TVP23C: variants seen among roughly 807,000 people sequenced by gnomAD.
The protein encoded by TVP23C is trans-golgi network vesicle protein 23 homolog C.
In TVP23C, 19 loss-of-function variants were observed where a neutral mutation model predicts 28.7. The observed-to-expected ratio is 0.66, with a 90% confidence interval of 0.46 to 0.97. TVP23C has a LOEUF of 0.97. Ranked by LOEUF, TVP23C falls within the 50% of genes least tolerant of loss-of-function variation. The pLI, the probability that TVP23C is intolerant of heterozygous loss-of-function variation, is 0.00. For synonymous variants in TVP23C, 68 were observed against 81.7 expected, an observed-to-expected ratio of 0.83 and a Z score of 0.90; for missense variants, 186 against 241.3, an observed-to-expected ratio of 0.77 and a Z score of 1.52.
intron 5 of TVP23C, among the ~76,000 whole-genome samples, chr17:15,529,252 G>T (rs1982853416): frequency 6.6e-6 from 1 of 152,018 alleles, no homozygotes; most frequent in South Asian, 2.1e-4. Context: ...AGGAGTTTGA[G>T]ACCAGCCTGG....
intron 5 of TVP23C, among the ~76,000 whole-genome samples, chr17:15,509,111 G>A (rs142032032): frequency 1.3e-5 from 2 of 152,182 alleles, no homozygotes; most frequent in Non-Finnish European, 2.9e-5. Context: ...AAGATTTGGC[G>A]GCCAAAGTCC....
downstream of TVP23C, among the ~76,000 whole-genome samples, chr17:15,534,488 T>C (rs375603007): frequency 2.7e-5 from 4 of 149,908 alleles, no homozygotes; most frequent in South Asian, 6.4e-4. Context: ...CATGAGATAA[T>C]ACATAAAGGA....
intron 5 of TVP23C, among the ~76,000 whole-genome samples, chr17:15,518,379 G>A (rs1982325012): frequency 6.6e-6 from 1 of 152,102 alleles, no homozygotes; most frequent in African/African-American, 2.4e-5. Flanking sequence ...CTTTTCATGT[G>A]CATCATCCAG....
At chr17:15,503,216 A>G in exon 6 of TVP23C, 1 of 1,536,622 alleles carries the variant, frequency 6.5e-7, no homozygotes, top group Non-Finnish European at 8.8e-7. Context: ...AGTCTGGGCA[A>G]TGTGGCGAGA....
Position 15,538,564 on chromosome 17 carries a change from T to C in TVP23C, c.*1848A>G, listed in dbSNP as rs2150847159. ...GAGATCGCGCCACTGCACTCCAGCC[T>C]GGGCAAACAGAGTGAGACTCTGTCT... is the stretch of plus-strand genomic sequence containing the variant. On this transcript the variant is annotated 3_prime_UTR_variant, in exon 6 of 6. Coordinates refer to ENST00000518321, the MANE Select transcript of TVP23C (RefSeq NM_001135036.2). 1.0e-6 allele frequency: 1 copy of C among 970,508 alleles called. No individual in the cohort carries two copies. Among genetic ancestry groups the C allele is most frequent in the Non-Finnish European group, 1.2e-6 (1 of 816,484 alleles). 60.1% of individuals were successfully genotyped at this position (970,508 alleles called of 1,614,324 possible).
At chr17:15,505,848 G>C (rs149188782) in intron 5 of TVP23C, among the ~76,000 whole-genome samples, 3 of 152,212 alleles carry the variant, frequency 2.0e-5, no homozygotes, top group African/African-American at 7.2e-5. Flanking sequence ...GGCTGCGTAC[G>C]GTGTACTGGG....
rs1033605519 is a variant in TVP23C at position 15,555,459 on chromosome 17, T to C, written c.13-95A>G. The C allele has an allele frequency of 5.1e-5, 77 of 1,524,722 alleles. 1 individual carries two copies. In the South Asian group the frequency reaches 8.3e-4, roughly 16 times the overall value. 94.4% of individuals were successfully genotyped at this position (1,524,722 alleles called of 1,614,324 possible). Reference sequence around the variant, plus strand: ...GCTGCATACTCATCAAAATAGAAGATAAAATAATGTGGTTACAGCATCAGG... The same window carrying C: ...GCTGCATACTCATCAAAATAGAAGACAAAATAATGTGGTTACAGCATCAGG... On this transcript the variant is annotated intron_variant, in intron 1 of 5. Coordinates refer to ENST00000518321, the MANE Select transcript of TVP23C (RefSeq NM_001135036.2).
At chr17:15,520,778 T>C (rs1296102466) in intron 5 of TVP23C, among the ~76,000 whole-genome samples, 1 of 151,844 alleles carries the variant, frequency 6.6e-6, no homozygotes, top group Non-Finnish European at 1.5e-5. Flanking sequence ...TATACTGGAG[T>C]TCCTAGTGAA....
chr17:15,546,016 A>C (rs544575702), intron 4 of TVP23C, 100 bp from the exon 5 acceptor site: 1 of 1,495,298 alleles, frequency 6.7e-7, no homozygotes, highest in Admixed American at 2.2e-5. Context: ...TTCAAATATT[A>C]ATACACATAG....
chr17:15,559,305 T>A (rs1984272166), intron 1 of TVP23C, among the ~76,000 whole-genome samples: 1 of 113,768 alleles, frequency 8.8e-6, no homozygotes. Flanking sequence ...CTGTAAGTGG[T>A]ACAGATTTAA....
intron 3 of TVP23C, among the ~76,000 whole-genome samples, chr17:15,550,448 T>C (rs1983837375): frequency 6.6e-6 from 1 of 152,234 alleles, no homozygotes; most frequent in South Asian, 2.1e-4. Flanking sequence ...TCCACAGGCA[T>C]TTAACAAGAA....
At chr17:15,514,460 C>T (rs1286998034) in intron 5 of TVP23C, among the ~76,000 whole-genome samples, 8 of 152,106 alleles carry the variant, frequency 5.3e-5, no homozygotes, top group Non-Finnish European at 7.3e-5. Context: ...GTTAAAGAAG[C>T]GTGTGCATGC....
At position 15,553,761 on chromosome 17, in the gene TVP23C, T is replaced by G; in HGVS notation, c.164A>C (p.Glu55Ala). The G allele has an allele frequency of 1.9e-6, 3 of 1,613,852 alleles. No homozygotes were observed. The highest frequency in any genetic ancestry group is 2.5e-6 in the Non-Finnish European group (3 of 1,179,876). ...VSAIIVCLLC[E>A]LLSSSFITCM... ...GGTAATAAAGCTGCTGCTGAGCAACTCACAGAGAAGACAGACGATGATTGC... is the reference window on the plus strand; with the variant it reads ...GGTAATAAAGCTGCTGCTGAGCAACGCACAGAGAAGACAGACGATGATTGC... The change falls in exon 3 of 6, where the codon GAG (glutamate) becomes GCG (alanine). Residue 55 changes from glutamate to alanine, a missense_variant. Coordinates refer to ENST00000518321, the MANE Select transcript of TVP23C (RefSeq NM_001135036.2).
intron 1 of TVP23C, chr17:15,562,643 T>C (rs1338738097): frequency 1.3e-5 from 2 of 152,244 alleles, no homozygotes; most frequent in African/African-American, 4.8e-5. Context: ...TAAATCTTAG[T>C]TGTCCTATCC....
At chr17:15,545,428 C>T (rs140691707) in intron 5 of TVP23C, among the ~76,000 whole-genome samples, 1,045 of 144,160 alleles carry the variant, frequency 7.2e-3, no homozygotes, top group Non-Finnish European at 0.011. Flanking sequence ...CCCAGCAGAG[C>T]CCTTCCCAAG....
chr17:15,520,982 T>C (rs983132982), intron 5 of TVP23C, among the ~76,000 whole-genome samples: 1 of 151,332 alleles, frequency 6.6e-6, no homozygotes, highest in African/African-American at 2.4e-5. Flanking sequence ...ACAGAAAATG[T>C]AAAGTACCCA....
intron 5 of TVP23C, among the ~76,000 whole-genome samples, chr17:15,544,657 T>C (rs1052503820): frequency 6.6e-6 from 1 of 152,200 alleles, no homozygotes; most frequent in African/African-American, 2.4e-5. Flanking sequence ...AGTTTCCCAT[T>C]TTCCAGAGCA....
Position 15,539,170 on chromosome 17 carries a change from A to C in TVP23C, c.*1242T>G. ...TGAGACTCCACCCCCAGATCTACTG[A>C]ATAAGGAGTCTGGAGGTGGAACCCA... On this transcript the variant is annotated 3_prime_UTR_variant, in exon 6 of 6. Coordinates refer to ENST00000518321, the MANE Select transcript of TVP23C (RefSeq NM_001135036.2). 2 of 943,560 alleles carry C rather than the reference A, an allele frequency of 2.1e-6. No homozygotes were observed. Among genetic ancestry groups the C allele is most frequent in the Non-Finnish European group, 2.5e-6 (2 of 791,854 alleles). 58.4% of individuals were successfully genotyped at this position (943,560 alleles called of 1,614,324 possible).
At chr17:15,505,780 C>G (rs1032269677) in intron 5 of TVP23C, among the ~76,000 whole-genome samples, 1 of 144,484 alleles carries the variant, frequency 6.9e-6, no homozygotes, top group Non-Finnish European at 1.5e-5. Flanking sequence ...TTGGCGGGCC[C>G]CGCACTCGGA....
Sources: allele counts gnomAD v4.1 joint callset (sites outside exome capture counted in the v4.1 genomes callset), GRCh38; gene constraint gnomAD v4.1.1; transcripts MANE v1.5; gene names NCBI Gene and HGNC (gene_info 2026-07-23, HGNC 2026-07-21).